The following RALGAPA1 variants were observed in gnomAD, a reference collection of about 807,000 sequenced individuals.
RALGAPA1 encodes Ral GTPase activating protein catalytic subunit alpha 1.
A neutral mutation model predicts 269.6 loss-of-function variants in RALGAPA1; 52 were observed. The ratio of observed to expected loss-of-function variants is 0.19; its 90% CI spans 0.15 to 0.24. RALGAPA1 has a LOEUF of 0.24. RALGAPA1 is among the 10% of genes least tolerant of loss of function. The probability of loss-of-function intolerance (pLI) is 1.00; values close to 1 mark genes in which losing one functional copy is unlikely to be tolerated. For synonymous variants in RALGAPA1, 817 were observed against 1,008.3 expected, an observed-to-expected ratio of 0.81 and a Z score of 3.60; for missense variants, 1,917 against 3,013.9, an observed-to-expected ratio of 0.64 and a Z score of 8.52.
intron 31 of RALGAPA1, among the ~76,000 whole-genome samples, chr14:35,648,967 C>A (rs2062641831): frequency 6.6e-6 from 1 of 152,196 alleles, no homozygotes; most frequent in Admixed American, 6.5e-5. Flanking sequence ...AACTGTTATT[C>A]TTTAATGTGC....
chr14:35,709,573 T>C (rs1306208409), intron 16 of RALGAPA1, among the ~76,000 whole-genome samples: 2 of 152,128 alleles, frequency 1.3e-5, no homozygotes, highest in African/African-American at 2.4e-5. Flanking sequence ...TTTTCTGCTT[T>C]AATTCTTATT....
intron 38 of RALGAPA1, among the ~76,000 whole-genome samples, chr14:35,572,071 T>C (rs551972359): frequency 1.3e-5 from 2 of 152,326 alleles, no homozygotes; most frequent in South Asian, 4.1e-4. Flanking sequence ...ATGGTGTATA[T>C]ATAAGACATC....
chr14:35,556,724 G>A (rs2055642472), intron 39 of RALGAPA1, among the ~76,000 whole-genome samples: 2 of 152,184 alleles, frequency 1.3e-5, no homozygotes, highest in African/African-American at 4.8e-5. Flanking sequence ...TTTTCACTGC[G>A]TCTCAATTAG....
At chr14:35,693,434 T>A (rs2066655630) in intron 17 of RALGAPA1, among the ~76,000 whole-genome samples, 1 of 151,834 alleles carries the variant, frequency 6.6e-6, no homozygotes, top group Non-Finnish European at 1.5e-5. Flanking sequence ...CTTCTTATAT[T>A]TTAACTTAAA....
At chr14:35,602,178 C>T (rs1260092934) in intron 36 of RALGAPA1, among the ~76,000 whole-genome samples, 1 of 152,134 alleles carries the variant, frequency 6.6e-6, no homozygotes, top group African/African-American at 2.4e-5. Context: ...ATAATATTCC[C>T]TTTTATTGGA....
At chr14:35,571,294 G>A (rs2057167875) in intron 38 of RALGAPA1, among the ~76,000 whole-genome samples, 1 of 152,148 alleles carries the variant, frequency 6.6e-6, no homozygotes, top group South Asian at 2.1e-4. Flanking sequence ...AATGGCAGCT[G>A]AAGGCAAGGA....
At chr14:35,657,235 C>T (rs2063236313) in intron 28 of RALGAPA1, among the ~76,000 whole-genome samples, 1 of 151,002 alleles carries the variant, frequency 6.6e-6, no homozygotes, top group South Asian at 2.1e-4. Flanking sequence ...CTTGCCCAGG[C>T]TGGAGTGCAG....
intron 26 of RALGAPA1, among the ~76,000 whole-genome samples, chr14:35,669,500 C>T (rs942525452): frequency 2.0e-5 from 3 of 152,136 alleles, no homozygotes; most frequent in Admixed American, 6.5e-5. Context: ...GTGATCCACC[C>T]GCCTCAGCCT....
intron 41 of RALGAPA1, 113 bp from the exon 42 acceptor site, chr14:35,539,803 G>C: frequency 1.4e-6 from 2 of 1,463,134 alleles, no homozygotes; most frequent in East Asian, 2.3e-5. Flanking sequence ...AAGATCTTTC[G>C]AGGGAAAAAG....
intron 21 of RALGAPA1, among the ~76,000 whole-genome samples, chr14:35,680,639 G>A (rs924915305): frequency 6.6e-6 from 1 of 151,776 alleles, no homozygotes; most frequent in Admixed American, 6.6e-5. Context: ...GTTTGAGACA[G>A]AGTCTCGCTT....
At chr14:35,703,432 T>C (rs2067535236) in intron 16 of RALGAPA1, among the ~76,000 whole-genome samples, 1 of 152,208 alleles carries the variant, frequency 6.6e-6, no homozygotes, top group South Asian at 2.1e-4. Context: ...TGAGCCATGT[T>C]TGTGCCACTG....
At chr14:35,606,526 T>C (rs1435347509) in intron 35 of RALGAPA1, among the ~76,000 whole-genome samples, 1 of 152,198 alleles carries the variant, frequency 6.6e-6, no homozygotes, top group South Asian at 2.1e-4. Flanking sequence ...GGTTTACAAA[T>C]ATAAAACTGT....
chr14:35,678,409 T>C (rs1217055263), intron 21 of RALGAPA1, among the ~76,000 whole-genome samples: 1 of 152,188 alleles, frequency 6.6e-6, no homozygotes, highest in Non-Finnish European at 1.5e-5. Flanking sequence ...CTCTAGTACC[T>C]ACTGTCATTC....
intron 1 of RALGAPA1, among the ~76,000 whole-genome samples, chr14:35,782,057 TG>T (rs2075471152): frequency 6.6e-6 from 1 of 152,186 alleles, no homozygotes; most frequent in South Asian, 2.1e-4. Context: ...ATAAATGACA[TG>T]ATCTTGGATA....
chr14:35,801,606 A>G (rs1374858794), intron 1 of RALGAPA1, among the ~76,000 whole-genome samples: 1 of 152,170 alleles, frequency 6.6e-6, no homozygotes, highest in African/African-American at 2.4e-5. Context: ...AAGAGAGTAT[A>G]ATCAACAATT....
chr14:35,612,141 T>C (rs556779057), intron 35 of RALGAPA1, among the ~76,000 whole-genome samples: 1 of 152,032 alleles, frequency 6.6e-6, no homozygotes, highest in South Asian at 2.1e-4. Context: ...TGGGAGGCTG[T>C]TAGGAAGACT....
intron 1 of RALGAPA1, among the ~76,000 whole-genome samples, chr14:35,803,465 A>C (rs1269676885): frequency 6.6e-6 from 1 of 152,112 alleles, no homozygotes; most frequent in Non-Finnish European, 1.5e-5. Flanking sequence ...AATAAATTAA[A>C]AATTGATATA....
At chr14:35,572,425 G>T in intron 38 of RALGAPA1, 135 bp downstream of exon 38, 1 of 576,938 alleles carries the variant, frequency 1.7e-6, no homozygotes. Flanking sequence ...GTAGCTACCA[G>T]GGTCTATGTA....
At position 35,792,913 on chromosome 14, in the gene RALGAPA1, G is replaced by A. The variant is rs552161671; in HGVS notation, c.106+15817C>T. 2.1e-5 allele frequency among the ~76,000 whole-genome samples: 3 copies of A among 144,840 alleles called. 1 individual carries two copies. In the South Asian group the frequency reaches 6.4e-4, roughly 31 times the overall value. On this transcript the variant is annotated intron_variant, in intron 1 of 41. Transcript: ENST00000680220. ...AAAAAAAAAAAGACCTGCATAGGGA[G>A]ATCAACTAGTAAGCTGCTGCAAAAG...
Sources: allele counts gnomAD v4.1 joint callset (sites outside exome capture counted in the v4.1 genomes callset), GRCh38; gene constraint gnomAD v4.1.1; transcripts MANE v1.5; gene names NCBI Gene and HGNC (gene_info 2026-07-23, HGNC 2026-07-21).